PLA2G15: variants seen among roughly 807,000 people sequenced by gnomAD.
PLA2G15 encodes the protein phospholipase A2 group XV.
PLA2G15 carries 20 observed loss-of-function variants against 40.9 expected under a neutral mutation model. The observed-to-expected ratio is 0.49, with a 90% CI of 0.34 to 0.71. The LOEUF (loss-of-function observed/expected upper bound fraction) is 0.71, where lower values mean the gene tolerates loss of function less well. Among genes scored for constraint, PLA2G15 ranks in the 30% least tolerant of loss-of-function variants. The pLI is 0.01. For missense variants in PLA2G15, 471 were observed against 541.9 expected, an observed-to-expected ratio of 0.87 and a Z score of 1.30; for synonymous variants, 223 against 228.2, an observed-to-expected ratio of 0.98 and a Z score of 0.21.
chr16:68,258,310 G>A (rs970766469), intron 5 of PLA2G15, among the ~76,000 whole-genome samples: 2 of 152,146 alleles, frequency 1.3e-5, no homozygotes, highest in Non-Finnish European at 2.9e-5. Flanking sequence ...AAGAAAAACT[G>A]GTACACAGTT....
Position 68,255,797 on chromosome 16 carries a change from C to T in PLA2G15, c.534C>T (p.Arg178=), listed in dbSNP as rs767223988. 8 of 1,614,024 alleles carry T rather than the reference C, an allele frequency of 5.0e-6. No homozygotes were observed. Among genetic ancestry groups the T allele is most frequent in the African/African-American group, 1.3e-5 (1 of 74,930 alleles). Residue 178 remains arginine, a synonymous_variant, in exon 5 of 6, where the codon CGC becomes CGT. Transcript: ENST00000219345. The surrounding 1 kb of genome is among the most constrained non-coding windows in gnomAD (Gnocchi z 5.9). ...NENGPYFLAL[R]EMIEEMYQLY... ...ACGGGCCCTACTTCCTGGCCCTCCG[C>T]GAGATGATCGAGGAGATGTACCAGC...
chr16:68,259,575 A>T lies in PLA2G15; in HGVS notation c.1157A>T (p.Glu386Val). Residue 386 changes from glutamate (E) to valine (V), a missense_variant, in exon 6 of 6, where the codon GAG (glutamate) becomes GTG (valine). Glu to Val is a moderately radical substitution (Grantham distance 121). Coordinates refer to ENST00000219345, the MANE Select transcript of PLA2G15 (RefSeq NM_012320.4). This position sits in a 1 kb window ranked among gnomAD's most constrained non-coding sequence, Gnocchi z 6.5. Reference protein sequence around the residue: ...SRQEHQVLLQELPGSEHIEML... With the variant: ...SRQEHQVLLQVLPGSEHIEML... ...CAGGAGCACCAAGTGTTGCTGCAGGAGCTGCCAGGCAGCGAGCACATCGAG... is the reference window on the plus strand; with the variant it reads ...CAGGAGCACCAAGTGTTGCTGCAGGTGCTGCCAGGCAGCGAGCACATCGAG... The T allele has an allele frequency of 6.2e-7, 1 of 1,613,470 alleles. No homozygotes were observed. Among genetic ancestry groups the T allele is most frequent in the South Asian group, 1.1e-5 (1 of 91,088 alleles).
At chr16:68,248,057 A>G (rs9923137) in intron 1 of PLA2G15, among the ~76,000 whole-genome samples, 6,114 of 152,292 alleles carry the variant, frequency 0.04, 376 homozygotes, top group African/African-American at 0.13. Flanking sequence ...GTGCTGGTTC[A>G]GGGTGGCTGT....
At chr16:68,254,795 C>T in intron 2 of PLA2G15, 124 bp from the exon 3 acceptor site, 1 of 692,402 alleles carries the variant, frequency 1.4e-6, no homozygotes, top group South Asian at 1.7e-5. Context: ...TTTTCGGTCT[C>T]TCCTATCCAT....
At position 68,249,278 on chromosome 16, in the gene PLA2G15, T is replaced by G. The variant is rs763192593; in HGVS notation, c.128-12T>G. On this transcript the variant is annotated splice_polypyrimidine_tract_variant and intron_variant, in intron 1 of 5. Transcript: ENST00000219345. ...GGGCTGAGGGCTCACACATGTCCTG[T>G]GCCCCCTGCAGTCCCTGGTGATTTG... is the stretch of plus-strand genomic sequence containing the variant. 5.0e-6 allele frequency: 8 copies of G among 1,613,686 alleles called. No homozygotes were observed. The East Asian group carries it at 6.7e-5, about 13-fold the overall frequency.
At chr16:68,247,764 G>A (rs557939402) in intron 1 of PLA2G15, among the ~76,000 whole-genome samples, 1 of 152,362 alleles carries the variant, frequency 6.6e-6, no homozygotes, top group South Asian at 2.1e-4. Context: ...TGTTCAGGGT[G>A]GATTTACGGT....
intron 5 of PLA2G15, 154 bp from the exon 6 acceptor site, chr16:68,258,992 G>C (rs1894936304): frequency 7.8e-6 from 5 of 644,018 alleles, no homozygotes; most frequent in Middle Eastern, 8.3e-4. Context: ...GGCAGGGATG[G>C]GAGTCACAGT....
In PLA2G15 at chr16:68,249,379, T is replaced by C; in HGVS notation, c.217T>C (p.Phe73Leu). ...CTGCTCCAAGAAGACCGAAAGCTAC[T>C]TCACAATCTGGCTGAACCTGGAACT... ...YLCSKKTESYFTIWLNLELLL... is the reference protein window; with the variant it reads ...YLCSKKTESYLTIWLNLELLL... Residue 73 changes from phenylalanine (F) to leucine (L), a missense_variant, in exon 2 of 6, where the codon TTC (phenylalanine) becomes CTC (leucine). Coordinates refer to ENST00000219345, the MANE Select transcript of PLA2G15 (RefSeq NM_012320.4). 6.2e-7 allele frequency: 1 copy of C among 1,614,148 alleles called. No homozygotes were observed. The highest frequency in any genetic ancestry group is 8.5e-7 in the Non-Finnish European group (1 of 1,180,000).
chr16:68,245,588 G>T (rs1012046840), intron 1 of PLA2G15, 35 bp downstream of exon 1: 3 of 1,548,422 alleles, frequency 1.9e-6, no homozygotes, highest in Non-Finnish European at 1.7e-6. Context: ...TCTGTCGGTC[G>T]GGCGGGACGG....
Position 68,258,923 on chromosome 16 carries a change from A to G in PLA2G15, c.728-223A>G. ...TGCTGTGAGCCGTGATCATGCCATTATACTCCAGCCTGGGCAACAGAGTGA... is the reference window on the plus strand; with the variant it reads ...TGCTGTGAGCCGTGATCATGCCATTGTACTCCAGCCTGGGCAACAGAGTGA... On this transcript the variant is annotated intron_variant, in intron 5 of 5. Coordinates refer to ENST00000219345, the MANE Select transcript of PLA2G15 (RefSeq NM_012320.4). 7.2e-6 allele frequency: 4 copies of G among 557,674 alleles called. No individual in the cohort carries two copies. The South Asian group carries it at 9.3e-5, about 13-fold the overall frequency. The allele number at this position is 557,674 out of a possible 1,614,324, so 34.5% of individuals were successfully genotyped here.
intron 5 of PLA2G15, among the ~76,000 whole-genome samples, chr16:68,258,161 C>A (rs2042416137): frequency 2.0e-5 from 3 of 152,212 alleles, no homozygotes; most frequent in Non-Finnish European, 4.4e-5. Flanking sequence ...TGTTCACATT[C>A]CTGTGTATAG....
chr16:68,256,071 C>A, intron 5 of PLA2G15, 81 bp downstream of exon 5: 2 of 878,492 alleles, frequency 2.3e-6, no homozygotes, highest in Non-Finnish European at 3.5e-6. Context: ...TCCTCCTGGG[C>A]CAGCATGCCT....
intron 2 of PLA2G15, among the ~76,000 whole-genome samples, chr16:68,251,318 T>C (rs1392539565): frequency 1.3e-5 from 2 of 152,176 alleles, no homozygotes; most frequent in African/African-American, 4.8e-5. Context: ...GTTTTATCCT[T>C]ATAGCAGTAG....
At chr16:68,258,220 G>A (rs1244745006) in intron 5 of PLA2G15, among the ~76,000 whole-genome samples, 5 of 152,260 alleles carry the variant, frequency 3.3e-5, no homozygotes, top group African/African-American at 1.2e-4. Context: ...TCTCCAGCAC[G>A]CCTGGCTGCC....
chr16:68,254,311 T>A (rs1596947669), intron 2 of PLA2G15: 1 of 139,610 alleles, frequency 7.2e-6, no homozygotes, highest in Non-Finnish European at 1.5e-5. Flanking sequence ...TGCTTTTTAT[T>A]TTTATTTATT....
intron 5 of PLA2G15, among the ~76,000 whole-genome samples, chr16:68,258,479 G>A (rs1479268633): frequency 2.0e-5 from 3 of 152,140 alleles, no homozygotes; most frequent in Non-Finnish European, 2.9e-5. Context: ...GGTATGTGCC[G>A]CCTTACTCCC....
In PLA2G15 at chr16:68,255,430, A is replaced by T; in HGVS notation, c.502+50A>T. On this transcript the variant is annotated intron_variant, in intron 4 of 5. Coordinates refer to ENST00000219345, the MANE Select transcript of PLA2G15 (RefSeq NM_012320.4). This position sits in a 1 kb window ranked among gnomAD's most constrained non-coding sequence, Gnocchi z 5.9. ...CCTGACGTCTCGGGAGGTAGGGGTG[A>T]GGTGATCATGGGCACCACAGACCTT... 1 of 1,302,046 alleles carries T rather than the reference A, an allele frequency of 7.7e-7. No individual in the cohort carries two copies. Among genetic ancestry groups the T allele is most frequent in the Non-Finnish European group, 1.1e-6 (1 of 921,874 alleles). 80.7% of individuals were successfully genotyped at this position (1,302,046 alleles called of 1,614,324 possible). A position where few individuals can be genotyped will look rare whatever the true frequency, so the allele number is the denominator to read the frequency against.
chr16:68,245,540 C>T lies in PLA2G15; in HGVS notation c.114C>T (p.Pro38=). 7 of 1,583,972 alleles carry T rather than the reference C, an allele frequency of 4.4e-6. No homozygotes were observed. The highest frequency in any genetic ancestry group is 6.0e-6 in the Non-Finnish European group (7 of 1,170,584). The change falls in exon 1 of 6, where the codon CCC becomes CCT. Residue 38 remains proline, a synonymous_variant. Transcript: ENST00000219345. Reference sequence around the variant, plus strand: ...CAGCGCTCCCGGCCGGACGTCACCCCCCAGTGGTGCTGGGTGAGGCACGGG... The same window carrying T: ...CAGCGCTCCCGGCCGGACGTCACCCTCCAGTGGTGCTGGGTGAGGCACGGG... The part of the protein sequence containing the change: ...ADPALPAGRH[P]PVVLVPGDLG...
Position 68,255,241 on chromosome 16 carries a change from C to A in PLA2G15, c.404-41C>A. The A allele has an allele frequency of 6.9e-7, 1 of 1,457,250 alleles. No individual in the cohort carries two copies. 90.3% of individuals were successfully genotyped at this position (1,457,250 alleles called of 1,614,324 possible). Reference sequence around the variant, plus strand: ...CTGGGCATAGTGTAGGTGGCCGGCACTAGCTGTATCTTTTCTTATCCTCTG... The same window carrying A: ...CTGGGCATAGTGTAGGTGGCCGGCAATAGCTGTATCTTTTCTTATCCTCTG... On this transcript the variant is annotated intron_variant, in intron 3 of 5. Coordinates refer to ENST00000219345, the MANE Select transcript of PLA2G15 (RefSeq NM_012320.4). This position sits in a 1 kb window ranked among gnomAD's most constrained non-coding sequence, Gnocchi z 5.9.
Sources: gnomAD v4.1 joint callset for allele counts (sites outside exome capture counted in the v4.1 genomes callset) on GRCh38, gnomAD v4.1.1 for gene constraint, Gnocchi (gnomAD v3.1) non-coding constraint, MANE v1.5 for transcripts, NCBI Gene and HGNC (gene_info 2026-07-23, HGNC 2026-07-21) for gene names.